The following ZBED6 variants were observed in gnomAD, a reference collection of about 807,000 sequenced individuals.
The protein encoded by ZBED6 is zinc finger BED-type containing 6.
In ZBED6, 40 loss-of-function variants were observed where a neutral mutation model predicts 58.4. The ratio of observed to expected loss-of-function variants is 0.68; its 90% CI spans 0.53 to 0.89. The LOEUF (loss-of-function observed/expected upper bound fraction) is 0.89. Ranked by LOEUF, ZBED6 falls within the 40% of genes least tolerant of loss-of-function variation. The pLI, the probability that ZBED6 is intolerant of heterozygous loss-of-function variation, is 0.00. For missense variants in ZBED6, 1,057 were observed against 1,003.9 expected (o/e 1.05, Z -0.71); for synonymous variants, 439 against 350.6 (o/e 1.25, Z -2.82).
At chr1:203,820,304 T>C (rs761344957) in intron 3 of ZBED6, among the ~76,000 whole-genome samples, 3 of 152,068 alleles carry the variant, frequency 2.0e-5, no homozygotes. Flanking sequence ...TGTCTCCTTC[T>C]GTTGAGAGCA....
chr1:203,831,656 T>C lies in ZBED6; in HGVS notation c.*3400-5T>C. ...ATTTGCTGTTCTTTGACTTGCCTTA[T>C]TCAGAGGGTTCTTCAGGAGTTTCCA... On this transcript the variant is annotated splice_polypyrimidine_tract_variant and splice_region_variant and intron_variant, in intron 7 of 16. Coordinates refer to ENST00000550078, the Ensembl canonical transcript of ZBED6. The C allele has an allele frequency of 6.2e-7, 1 of 1,609,894 alleles. No individual in the cohort carries two copies. The highest frequency in any genetic ancestry group is 8.5e-7 in the Non-Finnish European group (1 of 1,177,836).
exon 1 of ZBED6, chr1:203,796,390 C>T: frequency 2.5e-6 from 1 of 399,018 alleles, no homozygotes; most frequent in Non-Finnish European, 4.4e-6. Flanking sequence ...CATTACACTC[C>T]CACCCCTGGC....
intron 1 of ZBED6, among the ~76,000 whole-genome samples, chr1:203,814,278 CTTTGGG>C (rs1675496675): frequency 6.6e-6 from 1 of 152,196 alleles, no homozygotes; most frequent in South Asian, 2.1e-4. Context: ...AATCCCAGCA[CTTTGGG>C]AGGCTGAGGT....
At position 203,804,353 on chromosome 1, in the gene ZBED6, C is replaced by T. The variant is rs986409599; in HGVS notation, c.*2554+1337C>T. On this transcript the variant is annotated intron_variant, in intron 1 of 16. Transcript: ENST00000550078. The stretch of plus-strand genomic sequence containing the variant: ...ATTTTTAGTAGAGACGGGGTTTCAC[C>T]GTGTTAGACAGGATGGTCTCCATCT... 8.6e-5 allele frequency among the ~76,000 whole-genome samples: 13 copies of T among 152,020 alleles called. No homozygotes were observed. The South Asian group carries it at 2.5e-3, about 29-fold the overall frequency.
At chr1:203,843,394 A>G (rs1333233967) in intron 11 of ZBED6, among the ~76,000 whole-genome samples, 1 of 152,122 alleles carries the variant, frequency 6.6e-6, no homozygotes, top group Non-Finnish European at 1.5e-5. Context: ...TGAAATTTGT[A>G]TTAGATAGAT....
intron 3 of ZBED6, among the ~76,000 whole-genome samples, chr1:203,823,278 C>T (rs568939494): frequency 2.6e-5 from 4 of 152,228 alleles, no homozygotes; most frequent in South Asian, 2.1e-4. Context: ...TGGAAGAATC[C>T]GTGTGCCTGT....
intron 11 of ZBED6, among the ~76,000 whole-genome samples, chr1:203,846,144 A>G (rs1687839850): frequency 7.1e-6 from 1 of 141,728 alleles, no homozygotes; most frequent in African/African-American, 2.5e-5. Flanking sequence ...AAGATTTTGA[A>G]AAGATATAAT....
intron 1 of ZBED6, among the ~76,000 whole-genome samples, chr1:203,813,316 C>T (rs562318643): frequency 3.3e-5 from 5 of 152,162 alleles, no homozygotes; most frequent in African/African-American, 9.6e-5. Context: ...AAGCAATTCT[C>T]TTGCCTCAGC....
chr1:203,796,240 T>G (rs1668452239), exon 1 of ZBED6: 2 of 394,108 alleles, frequency 5.1e-6, no homozygotes, highest in Admixed American at 4.4e-5. Context: ...ACTGCCTAAA[T>G]CAATCAGACT....
intron 11 of ZBED6, 97 bp from the exon 12 acceptor site, chr1:203,847,087 T>C (rs1688114359): frequency 7.8e-7 from 1 of 1,283,374 alleles, no homozygotes; most frequent in Non-Finnish European, 1.1e-6. Context: ...AAATGATAGC[T>C]CTCTGTTGGA....
chr1:203,827,937 G>T (rs962890485), intron 3 of ZBED6, among the ~76,000 whole-genome samples: 1 of 152,202 alleles, frequency 6.6e-6, no homozygotes, highest in Non-Finnish European at 1.5e-5. Flanking sequence ...TTAGAGGCAT[G>T]AATTATCCAA....
intron 3 of ZBED6, among the ~76,000 whole-genome samples, chr1:203,824,994 T>C (rs1680015690): frequency 6.6e-6 from 1 of 151,218 alleles, no homozygotes; most frequent in Non-Finnish European, 1.5e-5. Flanking sequence ...GGAGAATTGC[T>C]TGAACCCTGG....
At chr1:203,850,349 C>CCA in intron 14 of ZBED6, 166 bp from the exon 15 acceptor site, 1 of 980,120 alleles carries the variant, frequency 1.0e-6, no homozygotes, top group Non-Finnish European at 1.6e-6. Flanking sequence ...CCTGTAGTGA[C>CCA]CACCATGTGA....
intron 3 of ZBED6, among the ~76,000 whole-genome samples, chr1:203,823,530 A>G (rs1266876220): frequency 6.6e-6 from 1 of 152,232 alleles, no homozygotes; most frequent in Non-Finnish European, 1.5e-5. Context: ...CAGTCTAGGC[A>G]TACTGAGCCT....
Position 203,798,266 on chromosome 1 carries a change from C to T in ZBED6, c.744C>T (p.Leu248=), listed in dbSNP as rs757124023. The T allele has an allele frequency of 2.0e-6, 3 of 1,536,100 alleles. No individual in the cohort carries two copies. In the South Asian group the frequency reaches 3.6e-5, roughly 18 times the overall value. Residue 248 remains leucine, a synonymous_variant, in exon 1 of 17, where the codon CTC becomes CTT. Coordinates refer to ENST00000550078, the Ensembl canonical transcript of ZBED6. ...TAAGGGCAGAAAGAGGGAGATTTCT[C>T]ATCAAAAGTAACATTGTCAAGCATG...
chr1:203,846,524 C>A (rs1298824975), intron 11 of ZBED6, among the ~76,000 whole-genome samples: 1 of 152,100 alleles, frequency 6.6e-6, no homozygotes, highest in Non-Finnish European at 1.5e-5. Flanking sequence ...CCTACCTTAT[C>A]AAAGCAGTTA....
At chr1:203,797,454 A>G in exon 1 of ZBED6, 2 of 1,363,738 alleles carry the variant, frequency 1.5e-6, no homozygotes, top group Non-Finnish European at 1.9e-6. Flanking sequence ...AGAGAGGAAC[A>G]GCTGTATTTC....
At chr1:203,808,516 T>C (rs1673139291) in intron 1 of ZBED6, among the ~76,000 whole-genome samples, 1 of 152,200 alleles carries the variant, frequency 6.6e-6, no homozygotes, top group Non-Finnish European at 1.5e-5. Context: ...TCTTATATTG[T>C]TTCTTTCATA....
At chr1:203,812,732 C>T (rs1674941904) in intron 1 of ZBED6, among the ~76,000 whole-genome samples, 1 of 151,928 alleles carries the variant, frequency 6.6e-6, no homozygotes, top group South Asian at 2.1e-4. Flanking sequence ...CAGGTGTGTG[C>T]TACCACGGCC....
Sources: gnomAD v4.1 joint callset for allele counts (sites outside exome capture counted in the v4.1 genomes callset) on GRCh38, gnomAD v4.1.1 for gene constraint, MANE v1.5 for transcripts, NCBI Gene and HGNC (gene_info 2026-07-23, HGNC 2026-07-21) for gene names.